MALT1: variants seen among roughly 807,000 people sequenced by gnomAD.
MALT1 encodes MALT1 paracaspase, also known as mucosa-associated lymphoid tissue lymphoma translocation protein 1.
A neutral mutation model predicts 85.5 loss-of-function variants in MALT1; 36 were observed. The observed-to-expected ratio is 0.42, with a 90% CI of 0.32 to 0.56. The LOEUF (loss-of-function observed/expected upper bound fraction) is 0.56, where lower values mean the gene tolerates loss of function less well. Among genes scored for constraint, MALT1 ranks in the 20% least tolerant of loss-of-function variants. The pLI is 0.10. For synonymous variants in MALT1, 359 were observed against 361.3 expected, an observed-to-expected ratio of 0.99 and a Z score of 0.07; for missense variants, 716 against 981.6, an observed-to-expected ratio of 0.73 and a Z score of 3.62.
intron 13 of MALT1, among the ~76,000 whole-genome samples, chr18:58,737,891 C>G (rs750918139): frequency 7.9e-5 from 12 of 152,134 alleles, no homozygotes; most frequent in Non-Finnish European, 1.6e-4. Flanking sequence ...CCCACCTTAC[C>G]AATTTCAACT....
chr18:58,734,183 G>A (rs2055193046), intron 11 of MALT1, 124 bp from the exon 12 acceptor site: 1 of 1,064,432 alleles, frequency 9.4e-7, no homozygotes, highest in Non-Finnish European at 1.3e-6. Flanking sequence ...GAAAAATTTT[G>A]AATCTATAAT....
chr18:58,738,192 C>T (rs1008551297), intron 13 of MALT1, among the ~76,000 whole-genome samples: 1 of 152,014 alleles, frequency 6.6e-6, no homozygotes, highest in African/African-American at 2.4e-5. Flanking sequence ...TTTATATATA[C>T]CCAAAAAAGT....
At chr18:58,702,433 T>C (rs2054686831) in intron 4 of MALT1, among the ~76,000 whole-genome samples, 1 of 152,002 alleles carries the variant, frequency 6.6e-6, no homozygotes, top group Non-Finnish European at 1.5e-5. Flanking sequence ...GGAAAAATGC[T>C]ATTTCCTGAA....
chr18:58,729,842 A>G (rs1198410634), intron 10 of MALT1, among the ~76,000 whole-genome samples: 2 of 152,220 alleles, frequency 1.3e-5, no homozygotes, highest in African/African-American at 4.8e-5. Flanking sequence ...TATCAGAAAA[A>G]CTAAGTAGAC....
intron 9 of MALT1, among the ~76,000 whole-genome samples, chr18:58,719,241 A>G (rs1225644835): frequency 6.6e-6 from 1 of 152,156 alleles, no homozygotes; most frequent in Non-Finnish European, 1.5e-5. Context: ...GCCACATTCA[A>G]GATGGCTTTG....
intron 9 of MALT1, among the ~76,000 whole-genome samples, chr18:58,721,669 G>GTAAA (rs1240401740): frequency 6.6e-6 from 1 of 152,252 alleles, no homozygotes; most frequent in East Asian, 1.9e-4. Context: ...CTAGGTTTAA[G>GTAAA]TGTTCCATGG....
At chr18:58,707,300 G>A (rs2054765463) in intron 4 of MALT1, among the ~76,000 whole-genome samples, 3 of 150,108 alleles carry the variant, frequency 2.0e-5, no homozygotes, top group South Asian at 2.1e-4. Context: ...GTTTATCTTC[G>A]AATTAATGTG....
At chr18:58,729,631 G>C (rs1018246610) in intron 10 of MALT1, among the ~76,000 whole-genome samples, 17 of 151,848 alleles carry the variant, frequency 1.1e-4, no homozygotes, top group African/African-American at 4.1e-4. Flanking sequence ...ATAAAATAAG[G>C]GCAGAAATCA....
intron 10 of MALT1, among the ~76,000 whole-genome samples, chr18:58,724,728 G>A (rs59701535): frequency 0.071 from 10,812 of 152,166 alleles, 1,293 homozygotes; most frequent in African/African-American, 0.25. Context: ...CATAAATGAG[G>A]CTGGGCATGG....
intron 1 of MALT1, among the ~76,000 whole-genome samples, chr18:58,680,154 C>CT (rs1399950407): frequency 2.0e-5 from 3 of 152,206 alleles, no homozygotes; most frequent in African/African-American, 7.2e-5. Context: ...CTACGAGTTT[C>CT]TTAGATACCT....
At chr18:58,728,868 C>T (rs944546515) in intron 10 of MALT1, among the ~76,000 whole-genome samples, 1 of 152,246 alleles carries the variant, frequency 6.6e-6, no homozygotes, top group African/African-American at 2.4e-5. Flanking sequence ...GCTAAGCCTT[C>T]CCTCAGAGTT....
At chr18:58,741,472 A>G (rs1434583888) in intron 13 of MALT1, 1 of 152,612 alleles carries the variant, frequency 6.6e-6, no homozygotes, top group East Asian at 1.9e-4. Flanking sequence ...GAACCTTACT[A>G]TTGTTAATTT....
intron 1 of MALT1, chr18:58,672,924 T>C (rs945396854): frequency 3.9e-5 from 6 of 152,220 alleles, no homozygotes; most frequent in Admixed American, 2.0e-4. Flanking sequence ...TTTATGACCT[T>C]GTGGACCCCG....
intron 2 of MALT1, among the ~76,000 whole-genome samples, chr18:58,682,075 A>G (rs1398329513): frequency 6.6e-6 from 1 of 152,184 alleles, no homozygotes; most frequent in African/African-American, 2.4e-5. Flanking sequence ...ACAGGAAGCA[A>G]AGAGGCTGGT....
chr18:58,673,846 G>C (rs1354317332), intron 1 of MALT1, among the ~76,000 whole-genome samples: 1 of 152,076 alleles, frequency 6.6e-6, no homozygotes, highest in Non-Finnish European at 1.5e-5. Context: ...GTGCAAAGGA[G>C]TAATGATGTG....
At chr18:58,693,892 G>T (rs908235592) in intron 2 of MALT1, among the ~76,000 whole-genome samples, 6 of 152,150 alleles carry the variant, frequency 3.9e-5, no homozygotes, top group African/African-American at 1.4e-4. Context: ...GTTCTCTTTT[G>T]TCATTGTTGC....
At chr18:58,680,560 C>A (rs1415701854) in intron 1 of MALT1, among the ~76,000 whole-genome samples, 2 of 152,102 alleles carry the variant, frequency 1.3e-5, no homozygotes, top group Non-Finnish European at 2.9e-5. Context: ...TTTTTCTGGC[C>A]TTCCTATTCC....
In MALT1 at chr18:58,733,565, G is replaced by A; in HGVS notation, c.1391G>A (p.Cys464Tyr). Residue 464 changes from cysteine to tyrosine, a missense_variant, in exon 11 of 17, where the codon TGT (cysteine) becomes TAT (tyrosine). Cys to Tyr is a radical substitution (Grantham distance 194). Transcript: ENST00000649217. ...CTTAATGTGTTCTTATTGGATATGT[G>A]TAGGAAAAGGTAAGTTTTCTAATCT... is the stretch of plus-strand genomic sequence containing the variant. Reference protein sequence around the residue: ...TGLNVFLLDMCRKRNDYDDTI... With the variant: ...TGLNVFLLDMYRKRNDYDDTI... The A allele has an allele frequency of 6.3e-7, 1 of 1,588,460 alleles. No homozygotes were observed. The highest frequency in any genetic ancestry group is 8.6e-7 in the Non-Finnish European group (1 of 1,168,230).
At position 58,705,591 on chromosome 18, in the gene MALT1, T is replaced by TG. The variant is rs2054740283; in HGVS notation, c.650-3786dup. Among the ~76,000 whole-genome samples the TG allele has an allele frequency of 2.7e-5, 4 of 147,876 alleles. No individual in the cohort carries two copies. The South Asian group carries it at 8.9e-4, about 33-fold the overall frequency. ...TATGCGGTGTTTGGTTTTTTGTTCT[T>TG]GCGATAGTTTACTGAGAATGATGAT... On this transcript the variant is annotated intron_variant, in intron 4 of 16. Coordinates refer to ENST00000649217, the MANE Select transcript of MALT1 (RefSeq NM_006785.4).
Sources: allele counts gnomAD v4.1 joint callset (sites outside exome capture counted in the v4.1 genomes callset), GRCh38; gene constraint gnomAD v4.1.1; transcripts MANE v1.5; gene names NCBI Gene and HGNC (gene_info 2026-07-23, HGNC 2026-07-21).